Variants in GIGYF2 observed in about 807,000 individuals in gnomAD.
GIGYF2 encodes GRB10 interacting GYF protein 2.
GIGYF2 carries 25 observed loss-of-function variants against 208.1 expected under a neutral mutation model. That is an observed-to-expected ratio of 0.12 (90% CI 0.09 to 0.17). The LOEUF (loss-of-function observed/expected upper bound fraction) is 0.17, where lower values mean the gene tolerates loss of function less well. GIGYF2 is among the 10% of genes least tolerant of loss of function. GIGYF2 has a pLI of 1.00. For synonymous variants in GIGYF2, 534 were observed against 543.8 expected, an observed-to-expected ratio of 0.98 and a Z score of 0.25; for missense variants, 1,302 against 1,579.4, an observed-to-expected ratio of 0.82 and a Z score of 2.98.
At chr2:232,762,363 C>T (rs922530045) in intron 8 of GIGYF2, among the ~76,000 whole-genome samples, 1 of 151,564 alleles carries the variant, frequency 6.6e-6, no homozygotes, top group South Asian at 2.1e-4. Context: ...AGTGAATCTC[C>T]TGCCTCAGTC....
chr2:232,790,138 C>T (rs947883825), intron 9 of GIGYF2, among the ~76,000 whole-genome samples: 7 of 152,092 alleles, frequency 4.6e-5, no homozygotes, highest in Non-Finnish European at 8.8e-5. Context: ...ACTTTCAGCA[C>T]TGTAATTTTG....
intron 6 of GIGYF2, among the ~76,000 whole-genome samples, chr2:232,759,269 CT>C (rs1574844621): frequency 6.6e-6 from 1 of 152,072 alleles, no homozygotes; most frequent in African/African-American, 2.4e-5. Context: ...CATCATTTTT[CT>C]TTGGGTCATT....
chr2:232,769,468 T>G (rs1356749589), intron 8 of GIGYF2, among the ~76,000 whole-genome samples: 1 of 137,094 alleles, frequency 7.3e-6, no homozygotes, highest in African/African-American at 2.8e-5. Context: ...TTTGTAGCAC[T>G]GCACTCCAGC....
At chr2:232,708,977 CGGATGTT>C (rs1559373600) in intron 2 of GIGYF2, among the ~76,000 whole-genome samples, 1 of 152,044 alleles carries the variant, frequency 6.6e-6, no homozygotes, top group African/African-American at 2.4e-5. Context: ...CAAAATTAGC[CGGATGTT>C]GGTGGTGGGC....
intron 3 of GIGYF2, among the ~76,000 whole-genome samples, chr2:232,741,858 T>C (rs986568730): frequency 2.0e-5 from 3 of 152,226 alleles, no homozygotes; most frequent in African/African-American, 7.2e-5. Flanking sequence ...TGTCCACTTA[T>C]ATGACTTTAT....
At chr2:232,837,159 G>C (rs887434160) in intron 22 of GIGYF2, among the ~76,000 whole-genome samples, 2 of 152,206 alleles carry the variant, frequency 1.3e-5, no homozygotes, top group Admixed American at 1.3e-4. Context: ...CTCCACATCT[G>C]TTGCACTTGT....
intron 2 of GIGYF2, among the ~76,000 whole-genome samples, chr2:232,723,034 C>G (rs1301105643): frequency 5.9e-5 from 9 of 151,998 alleles, no homozygotes; most frequent in Admixed American, 1.3e-4. Flanking sequence ...GTTTCCCAGC[C>G]TGGTCTCAAA....
intron 1 of GIGYF2, among the ~76,000 whole-genome samples, chr2:232,702,125 G>A (rs556659911): frequency 7.2e-4 from 109 of 152,180 alleles, no homozygotes; most frequent in Middle Eastern, 3.4e-3. Context: ...CCAGCTGAGG[G>A]AACAAAGCAA....
rs145707185 is a variant in GIGYF2, at chr2:232,811,960, C to G, written c.2007-431C>G. Among the ~76,000 whole-genome samples the G allele has an allele frequency of 8.7e-3, 1,325 of 152,250 alleles. 34 individuals are homozygous for G. The highest frequency in any genetic ancestry group is 0.054 in the Admixed American group (829 of 15,292). ...GAGCTCCATTTTATGGATGGGCAAA[C>G]TGGGACTCTGAGAGGCTGTAGGACT... On this transcript the variant is annotated intron_variant, in intron 17 of 28. Coordinates refer to ENST00000373563, the MANE Select transcript of GIGYF2 (RefSeq NM_001103146.3).
intron 14 of GIGYF2, among the ~76,000 whole-genome samples, chr2:232,799,633 C>T (rs1306831727): frequency 6.6e-6 from 1 of 151,886 alleles, no homozygotes; most frequent in Non-Finnish European, 1.5e-5. Flanking sequence ...ACCCTGTTTT[C>T]AATCCTTTTG....
At chr2:232,709,586 G>A (rs1418742003) in intron 2 of GIGYF2, among the ~76,000 whole-genome samples, 1 of 152,096 alleles carries the variant, frequency 6.6e-6, no homozygotes, top group Non-Finnish European at 1.5e-5. Context: ...TGAGGCAGGT[G>A]GATCACGAGG....
At chr2:232,776,164 T>C (rs1002329572) in intron 8 of GIGYF2, among the ~76,000 whole-genome samples, 2 of 152,200 alleles carry the variant, frequency 1.3e-5, no homozygotes, top group African/African-American at 4.8e-5. Context: ...GAATTTTTTT[T>C]CCTAAGGCCT....
chr2:232,850,392 C>T lies in GIGYF2; in HGVS notation c.3815C>T (p.Ala1272Val). The part of the protein sequence containing the change: ...KKKKKQKMVR[A>V]DPSLLGFSVN... Reference sequence around the variant, plus strand: ...AAGAAAAAGCAGAAGATGGTCCGAGCAGATCCCAGTTTATTAGGTGAGCAC... The same window carrying T: ...AAGAAAAAGCAGAAGATGGTCCGAGTAGATCCCAGTTTATTAGGTGAGCAC... The change falls in exon 28 of 29, where the codon GCA becomes GTA. Residue 1272 changes from alanine to valine, a missense_variant. Ala to Val is a moderately conservative substitution (Grantham distance 64, BLOSUM62 0). This residue lies in a region of GIGYF2 where 25 missense variants were observed against 53.7 expected (regional missense o/e 0.47). Transcript: ENST00000373563. 6.2e-7 allele frequency: 1 copy of T among 1,614,082 alleles called. No individual in the cohort carries two copies. The highest frequency in any genetic ancestry group is 8.5e-7 in the Non-Finnish European group (1 of 1,179,948).
chr2:232,801,304 G>A (rs1185731995), intron 14 of GIGYF2, among the ~76,000 whole-genome samples: 2 of 152,010 alleles, frequency 1.3e-5, no homozygotes, highest in Admixed American at 6.6e-5. Context: ...TGAGGCGGGA[G>A]GATCACTTGA....
intron 20 of GIGYF2, among the ~76,000 whole-genome samples, chr2:232,818,511 C>T (rs1700980767): frequency 6.6e-6 from 1 of 152,178 alleles, no homozygotes. Context: ...AGTTTTCCCA[C>T]CACCATTTAT....
In GIGYF2 at chr2:232,834,785, GT is replaced by G. The variant is rs1329825584; in HGVS notation, c.2766+1695del. On this transcript the variant is annotated intron_variant, in intron 22 of 28. Transcript: ENST00000373563. ...GTAATCTGTATTGATCTATCTTTAA[GT>G]TTCTTTCTTTTGCCAGTTCAGATAC... Among the ~76,000 whole-genome samples, 4 of 151,382 alleles carry G rather than the reference GT, an allele frequency of 2.6e-5. No homozygotes were observed. The East Asian group carries it at 7.8e-4, about 29-fold the overall frequency.
intron 3 of GIGYF2, chr2:232,735,514 G>A (rs929263386): frequency 1.7e-5 from 6 of 347,960 alleles, no homozygotes; most frequent in East Asian, 5.4e-5. Context: ...TATTTGAGTC[G>A]TTGTCTAGGT....
At position 232,847,502 on chromosome 2, in the gene GIGYF2, G is replaced by GCAGCAGCAGCTGCCA; in HGVS notation, c.3626_3640dup (p.Leu1209_Gln1213dup). 1 of 1,396,274 alleles carries GCAGCAGCAGCTGCCA rather than the reference G, an allele frequency of 7.2e-7. No individual in the cohort carries two copies. Among genetic ancestry groups the GCAGCAGCAGCTGCCA allele is most frequent in the Non-Finnish European group, 9.9e-7 (1 of 1,012,916 alleles). The allele number at this position is 1,396,274 out of a possible 1,614,324, so 86.5% of individuals were successfully genotyped here. Reference sequence around the variant, plus strand: ...AACAGAAAGCCAACCAGCAGCGTCAGCAGCAGCAGCTGCCACAGCAGCAGC... The same window carrying GCAGCAGCAGCTGCCA: ...AACAGAAAGCCAACCAGCAGCGTCAGCAGCAGCAGCTGCCACAGCAGCAGCTGCCACAGCAGCAGC... On this transcript the variant is annotated inframe_insertion, in exon 27 of 29. Transcript: ENST00000373563.
chr2:232,839,776 A>G, intron 22 of GIGYF2, 73 bp from the exon 23 acceptor site: 4 of 1,434,074 alleles, frequency 2.8e-6, no homozygotes, highest in Non-Finnish European at 3.9e-6. Flanking sequence ...CTGGGTATAC[A>G]TAATGCATTA....
Sources: gnomAD v4.1 joint callset for allele counts (sites outside exome capture counted in the v4.1 genomes callset) on GRCh38, gnomAD v4.1.1 for gene constraint, gnomAD v4.1.1 regional missense constraint, MANE v1.5 for transcripts, NCBI Gene and HGNC (gene_info 2026-07-23, HGNC 2026-07-21) for gene names.